SLC4A7: variants seen among roughly 807,000 people sequenced by gnomAD.
SLC4A7 encodes the protein solute carrier family 4 member 7, also known as sodium bicarbonate cotransporter 3.
A neutral mutation model predicts 137.6 loss-of-function variants in SLC4A7; 51 were observed. The observed-to-expected ratio is 0.37, with a 90% CI of 0.30 to 0.47. SLC4A7 has a LOEUF of 0.47. Ranked by LOEUF, SLC4A7 falls within the 20% of genes least tolerant of loss-of-function variation. The pLI is 1.00. For missense variants in SLC4A7, 1,247 were observed against 1,525.4 expected (o/e 0.82, Z 3.04); for synonymous variants, 542 against 518.6 (o/e 1.05, Z -0.61).
intron 10 of SLC4A7, 95 bp from the exon 11 acceptor site, chr3:27,418,727 T>A: frequency 2.8e-6 from 2 of 724,976 alleles, no homozygotes; most frequent in Non-Finnish European, 4.6e-6. Flanking sequence ...AGCTTCACAA[T>A]AAAGATAACC....
intron 22 of SLC4A7, among the ~76,000 whole-genome samples, chr3:27,389,163 C>T (rs1164758295): frequency 1.3e-5 from 2 of 152,070 alleles, no homozygotes; most frequent in Non-Finnish European, 2.9e-5. Flanking sequence ...AGTGCATACA[C>T]CTTCCTCTCA....
At chr3:27,423,927 C>T (rs965620064) in intron 8 of SLC4A7, 110 bp downstream of exon 8, 3 of 643,660 alleles carry the variant, frequency 4.7e-6, no homozygotes, top group Non-Finnish European at 8.1e-6. Context: ...TTGTAAGCAC[C>T]AGTCTACTAA....
chr3:27,422,080 T>C (rs937542956), intron 8 of SLC4A7, among the ~76,000 whole-genome samples: 3 of 152,204 alleles, frequency 2.0e-5, no homozygotes, highest in African/African-American at 4.8e-5. Context: ...AGGACAAATA[T>C]GTAGTTCACA....
intron 14 of SLC4A7, among the ~76,000 whole-genome samples, chr3:27,403,591 ATAAAT>A (rs1377133135): frequency 6.6e-6 from 1 of 151,996 alleles, no homozygotes; most frequent in Non-Finnish European, 1.5e-5. Context: ...TTTATTATTA[ATAAAT>A]TAATTAGTAT....
At chr3:27,390,159 G>A (rs2051388136) in intron 21 of SLC4A7, 55 bp from the exon 22 acceptor site, 1 of 1,094,318 alleles carries the variant, frequency 9.1e-7, no homozygotes, top group South Asian at 1.4e-5. Context: ...CTGCTATTTA[G>A]GAGAAGAATC....
At chr3:27,478,857 GA>G (rs1205058404) in intron 1 of SLC4A7, among the ~76,000 whole-genome samples, 3 of 150,134 alleles carry the variant, frequency 2.0e-5, no homozygotes, top group African/African-American at 4.9e-5. Context: ...AAAAGAGAGA[GA>G]GGGGGGCGTG....
intron 7 of SLC4A7, chr3:27,428,119 G>A (rs1451627167): frequency 6.6e-6 from 1 of 152,370 alleles, no homozygotes; most frequent in East Asian, 1.9e-4. Context: ...TAGTTCTTAA[G>A]ATTAGAATGC....
chr3:27,386,309 A>G (rs1218036146), intron 22 of SLC4A7, among the ~76,000 whole-genome samples: 3 of 146,346 alleles, frequency 2.0e-5, no homozygotes, highest in Non-Finnish European at 4.6e-5. Flanking sequence ...CAGGTTAAAC[A>G]CTGAATATCA....
chr3:27,400,988 G>A, intron 15 of SLC4A7, 119 bp from the exon 16 acceptor site: 1 of 577,402 alleles, frequency 1.7e-6, no homozygotes, highest in Non-Finnish European at 3.0e-6. Flanking sequence ...TGAGAAGCAT[G>A]GAGACTAGAA....
In SLC4A7 at chr3:27,425,368, C is replaced by T. The variant is rs1559732642; in HGVS notation, c.1151-1216G>A. 2.0e-4 allele frequency among the ~76,000 whole-genome samples: 9 copies of T among 45,384 alleles called. No homozygotes were observed. In the South Asian group the frequency reaches 5.3e-3, roughly 27 times the overall value. The allele number at this position is 45,384 out of a possible 152,430, so 29.8% of individuals were successfully genotyped here. On this transcript the variant is annotated intron_variant, in intron 7 of 25. Transcript: ENST00000454389. ...CTGGGCAACGAGAGAGAAACTCCGTCCTAAAAAAAAAAAAAAAAAAAAAAA... is the reference window on the plus strand; with the variant it reads ...CTGGGCAACGAGAGAGAAACTCCGTTCTAAAAAAAAAAAAAAAAAAAAAAA...
chr3:27,460,086 G>T, intron 1 of SLC4A7, among the ~76,000 whole-genome samples: 1 of 150,162 alleles, frequency 6.7e-6, no homozygotes. Flanking sequence ...GCCCAGGCTG[G>T]GTGCAGTGGC....
intron 1 of SLC4A7, among the ~76,000 whole-genome samples, chr3:27,466,179 C>A (rs1289642075): frequency 6.6e-6 from 1 of 150,868 alleles, no homozygotes; most frequent in African/African-American, 2.4e-5. Context: ...TGGCTGGGCG[C>A]GGTGGCTCAC....
At chr3:27,415,444 CAGTT>C (rs1292452096) in intron 11 of SLC4A7, among the ~76,000 whole-genome samples, 2 of 152,212 alleles carry the variant, frequency 1.3e-5, no homozygotes, top group East Asian at 3.8e-4. Flanking sequence ...TTGCACAAAA[CAGTT>C]AGCTAACCCT....
rs192120005 is a variant in SLC4A7, at chr3:27,372,807, T to A, written c.*3957A>T. 2 of 152,712 alleles carry A rather than the reference T, an allele frequency of 1.3e-5. No individual in the cohort carries two copies. The highest frequency in any genetic ancestry group is 1.3e-4 in the Admixed American group (2 of 15,296). The allele number at this position is 152,712 out of a possible 1,614,324, so 9.5% of individuals were successfully genotyped here. On this transcript the variant is annotated 3_prime_UTR_variant, in exon 26 of 26. Coordinates refer to ENST00000454389, the MANE Select transcript of SLC4A7 (RefSeq NM_001321103.2). ...TCATCTAACAATTATGAAACAAATT[T>A]GAAAGGCAGGATGATTCACAATATA...
At chr3:27,477,546 C>T (rs968947397) in intron 1 of SLC4A7, among the ~76,000 whole-genome samples, 2 of 152,132 alleles carry the variant, frequency 1.3e-5, no homozygotes, top group Non-Finnish European at 2.9e-5. Flanking sequence ...GGCAATACCA[C>T]GTAATATTAA....
chr3:27,432,199 C>T (rs1247507016), intron 6 of SLC4A7, among the ~76,000 whole-genome samples: 1 of 151,956 alleles, frequency 6.6e-6, no homozygotes, highest in Admixed American at 6.6e-5. Context: ...AATATTAAGT[C>T]AGTAAGACAC....
At chr3:27,456,155 T>C (rs184449117) in intron 1 of SLC4A7, among the ~76,000 whole-genome samples, 21 of 152,280 alleles carry the variant, frequency 1.4e-4, no homozygotes, top group Admixed American at 9.2e-4. Flanking sequence ...CTTTAAAATA[T>C]AGTGTCTAAT....
At chr3:27,460,004 C>T (rs2058609227) in intron 1 of SLC4A7, among the ~76,000 whole-genome samples, 1 of 149,456 alleles carries the variant, frequency 6.7e-6, no homozygotes, top group African/African-American at 2.4e-5. Context: ...CACACACACA[C>T]ACACACGTGT....
At position 27,376,737 on chromosome 3, in the gene SLC4A7, A is replaced by G. The variant is rs1304640636; in HGVS notation, c.*27T>C. 2 of 1,335,446 alleles carry G rather than the reference A, an allele frequency of 1.5e-6. No homozygotes were observed. The highest frequency in any genetic ancestry group is 1.4e-5 in the African/African-American group (1 of 69,172). The allele number at this position is 1,335,446 out of a possible 1,614,324, so 82.7% of individuals were successfully genotyped here. On this transcript the variant is annotated 3_prime_UTR_variant, in exon 26 of 26. Coordinates refer to ENST00000454389, the MANE Select transcript of SLC4A7 (RefSeq NM_001321103.2). ...GCACACATTACATATGTATATATCT[A>G]TATGTATAATGCCTCTTGGTTCAAT...
Sources: gnomAD v4.1 joint callset for allele counts (sites outside exome capture counted in the v4.1 genomes callset) on GRCh38, gnomAD v4.1.1 for gene constraint, MANE v1.5 for transcripts, NCBI Gene and HGNC (gene_info 2026-07-23, HGNC 2026-07-21) for gene names.